Variants in TXNDC16 observed in about 807,000 individuals in gnomAD.
TXNDC16 encodes thioredoxin domain-containing protein 16.
TXNDC16 carries 74 observed loss-of-function variants against 85.6 expected under a neutral mutation model. The observed-to-expected ratio is 0.86, with a 90% CI of 0.72 to 1.05. The LOEUF (loss-of-function observed/expected upper bound fraction) is 1.05, where lower values mean the gene tolerates loss of function less well. Ranked by LOEUF, TXNDC16 falls within the 50% of genes least tolerant of loss-of-function variation. The pLI is 0.00. For synonymous variants in TXNDC16, 335 were observed against 326.5 expected (o/e 1.03, Z -0.28); for missense variants, 959 against 947.0 (o/e 1.01, Z -0.17).
intron 16 of TXNDC16, among the ~76,000 whole-genome samples, chr14:52,468,906 G>A (rs571888516): frequency 6.6e-6 from 1 of 151,496 alleles, no homozygotes; most frequent in African/African-American, 2.4e-5. Flanking sequence ...CATGAGTAAT[G>A]TATATAACCT....
intron 14 of TXNDC16, among the ~76,000 whole-genome samples, chr14:52,481,364 A>T (rs1446886153): frequency 6.6e-6 from 1 of 152,132 alleles, no homozygotes; most frequent in African/African-American, 2.4e-5. Flanking sequence ...AAAAATTTTA[A>T]AAAAGGAATG....
chr14:52,530,054 C>T (rs2037463928), intron 6 of TXNDC16, among the ~76,000 whole-genome samples: 3 of 78,966 alleles, frequency 3.8e-5, no homozygotes, highest in Admixed American at 2.3e-4. Context: ...TTTATTTATA[C>T]ATTATATTTA....
chr14:52,448,184 A>G (rs1419252039), intron 18 of TXNDC16, among the ~76,000 whole-genome samples: 2 of 152,100 alleles, frequency 1.3e-5, no homozygotes, highest in Non-Finnish European at 2.9e-5. Flanking sequence ...ATCAATATCC[A>G]AGCACAAGGT....
At chr14:52,468,228 A>C (rs2035820865) in intron 16 of TXNDC16, among the ~76,000 whole-genome samples, 1 of 152,232 alleles carries the variant, frequency 6.6e-6, no homozygotes, top group African/African-American at 2.4e-5. Flanking sequence ...AAAAATGGGT[A>C]AGATGGTAAA....
At chr14:52,500,833 T>A (rs1040015626) in intron 9 of TXNDC16, among the ~76,000 whole-genome samples, 1 of 152,196 alleles carries the variant, frequency 6.6e-6, no homozygotes, top group African/African-American at 2.4e-5. Flanking sequence ...TGTAAAAATT[T>A]CAGAAATTAT....
chr14:52,475,811 C>T (rs1366547233), intron 14 of TXNDC16, among the ~76,000 whole-genome samples: 1 of 152,152 alleles, frequency 6.6e-6, no homozygotes, highest in African/African-American at 2.4e-5. Flanking sequence ...CCTCCCGATA[C>T]CAATGCACTT....
At chr14:52,460,490 A>AT (rs563264825) in intron 16 of TXNDC16, among the ~76,000 whole-genome samples, 246 of 152,310 alleles carry the variant, frequency 1.6e-3, no homozygotes, top group South Asian at 2.9e-3. Context: ...TTTTCATGTA[A>AT]TTTTCCATAA....
chr14:52,495,371 G>A (rs976003754), intron 9 of TXNDC16, among the ~76,000 whole-genome samples: 2 of 152,114 alleles, frequency 1.3e-5, no homozygotes, highest in African/African-American at 4.8e-5. Context: ...TTTCAAGAAT[G>A]AGCAAATAAA....
chr14:52,494,775 C>T (rs1285029691), intron 9 of TXNDC16, among the ~76,000 whole-genome samples: 1 of 152,182 alleles, frequency 6.6e-6, no homozygotes, highest in Non-Finnish European at 1.5e-5. Flanking sequence ...TGTCAGCTTT[C>T]AAATGATATT....
At chr14:52,437,817 A>G (rs946459879) in intron 20 of TXNDC16, among the ~76,000 whole-genome samples, 2 of 152,206 alleles carry the variant, frequency 1.3e-5, no homozygotes, top group Non-Finnish European at 2.9e-5. Flanking sequence ...ATGAAAACAG[A>G]TATTTCTCTG....
intron 20 of TXNDC16, among the ~76,000 whole-genome samples, chr14:52,434,830 G>C (rs1237201190): frequency 2.0e-5 from 3 of 152,212 alleles, no homozygotes; most frequent in Non-Finnish European, 2.9e-5. Context: ...TGCTGCAGAG[G>C]CTACAGGATT....
intron 16 of TXNDC16, among the ~76,000 whole-genome samples, chr14:52,469,612 A>G (rs2140130926): frequency 6.6e-6 from 1 of 151,996 alleles, no homozygotes; most frequent in South Asian, 2.1e-4. Context: ...GCATGGTGGC[A>G]TGTGCCTGTA....
At chr14:52,528,759 G>A (rs1472891299) in intron 6 of TXNDC16, among the ~76,000 whole-genome samples, 2 of 148,898 alleles carry the variant, frequency 1.3e-5, no homozygotes, top group Non-Finnish European at 3.0e-5. Context: ...ATAAAAATCT[G>A]TAAGGTCAAA....
chr14:52,503,813 G>A (rs948772299), intron 9 of TXNDC16, among the ~76,000 whole-genome samples: 2 of 152,200 alleles, frequency 1.3e-5, no homozygotes, highest in Non-Finnish European at 2.9e-5. Context: ...TGGCAAAGAA[G>A]TTAAAAACCT....
At chr14:52,442,341 C>T (rs891339027) in intron 18 of TXNDC16, among the ~76,000 whole-genome samples, 20 of 152,182 alleles carry the variant, frequency 1.3e-4, no homozygotes, top group African/African-American at 4.8e-4. Context: ...CAGAGACTAA[C>T]TTGCTTAAGT....
chr14:52,535,605 C>T (rs1020279167), intron 6 of TXNDC16, among the ~76,000 whole-genome samples: 6 of 152,046 alleles, frequency 3.9e-5, no homozygotes, highest in African/African-American at 1.4e-4. Flanking sequence ...AACCTGTGTC[C>T]TTAACAAGTC....
intron 3 of TXNDC16, 122 bp downstream of exon 3, chr14:52,543,276 T>C (rs1163398834): frequency 9.2e-7 from 1 of 1,089,684 alleles, no homozygotes; most frequent in Non-Finnish European, 1.3e-6. Context: ...CAGTCAGACA[T>C]ATTATAGTAA....
Position 52,536,074 on chromosome 14 carries a change from T to C in TXNDC16, c.392+645A>G, listed in dbSNP as rs537689885. Among the ~76,000 whole-genome samples the C allele has an allele frequency of 3.7e-4, 56 of 151,924 alleles. No individual in the cohort carries two copies. The East Asian group carries it at 9.8e-3, about 27-fold the overall frequency. The stretch of plus-strand genomic sequence containing the variant: ...AAACAAAGATGAGCTTCCTACCTGG[T>C]ACTATGGTCTAAATGTTTATGTCTC... On this transcript the variant is annotated intron_variant, in intron 6 of 20. Coordinates refer to ENST00000281741, the MANE Select transcript of TXNDC16 (RefSeq NM_020784.3).
At chr14:52,516,192 TG>T (rs1194232743) in intron 7 of TXNDC16, among the ~76,000 whole-genome samples, 1 of 152,174 alleles carries the variant, frequency 6.6e-6, no homozygotes, top group Non-Finnish European at 1.5e-5. Context: ...TCTCTTGTGT[TG>T]GGTCCTTTTT....
Sources: allele counts gnomAD v4.1 joint callset (sites outside exome capture counted in the v4.1 genomes callset), GRCh38; gene constraint gnomAD v4.1.1; transcripts MANE v1.5; gene names NCBI Gene and HGNC (gene_info 2026-07-23, HGNC 2026-07-21).